The following UFD1 variants were observed in gnomAD, a reference collection of about 807,000 sequenced individuals.
UFD1 encodes ubiquitin recognition factor in ER associated degradation 1.
UFD1 carries 13 observed loss-of-function variants against 45.9 expected under a neutral mutation model. That is an observed-to-expected ratio of 0.28 (90% CI 0.18 to 0.45). The LOEUF is 0.45. Among genes scored for constraint, UFD1 ranks in the 20% least tolerant of loss-of-function variants. The probability of loss-of-function intolerance (pLI) is 1.00; values close to 1 mark genes in which losing one functional copy is unlikely to be tolerated. For synonymous variants in UFD1, 128 were observed against 139.2 expected, an observed-to-expected ratio of 0.92 and a Z score of 0.56; for missense variants, 218 against 389.2, an observed-to-expected ratio of 0.56 and a Z score of 3.70.
intron 7 of UFD1, 38 bp from the exon 8 acceptor site, chr22:19,456,956 A>G (rs754497231): frequency 5.2e-5 from 73 of 1,393,862 alleles, no homozygotes; most frequent in Non-Finnish European, 6.9e-5. Context: ...ATATTGAGAC[A>G]TGACCACCCT....
chr22:19,457,967 C>T (rs2089735906), intron 7 of UFD1, 104 bp downstream of exon 7: 2 of 1,165,060 alleles, frequency 1.7e-6, no homozygotes, highest in Non-Finnish European at 2.6e-6. Flanking sequence ...TACCCAGAGT[C>T]CCAGGGGCTG....
chr22:19,457,231 T>C (rs1473723902), intron 7 of UFD1, among the ~76,000 whole-genome samples: 2 of 152,132 alleles, frequency 1.3e-5, no homozygotes, highest in African/African-American at 4.8e-5. Flanking sequence ...TCCACCACAG[T>C]TGAGATGTAG....
At chr22:19,464,670 G>A (rs984621426) in intron 6 of UFD1, among the ~76,000 whole-genome samples, 9 of 152,354 alleles carry the variant, frequency 5.9e-5, no homozygotes, top group South Asian at 2.1e-4. Context: ...AAGTGAAAAC[G>A]GAAGCTGAAG....
intron 6 of UFD1, 167 bp downstream of exon 6, chr22:19,465,035 A>T (rs1215708865): frequency 1.6e-6 from 1 of 635,140 alleles, no homozygotes; most frequent in African/African-American, 1.8e-5. Flanking sequence ...TACCAAATGA[A>T]TTAGGGCTCT....
intron 4 of UFD1, chr22:19,471,062 C>A: frequency 2.4e-6 from 1 of 417,624 alleles, no homozygotes; most frequent in South Asian, 1.7e-5. Context: ...GTGGAACTCT[C>A]ACTGCTGCAG....
chr22:19,455,683 T>G lies in UFD1; in HGVS notation c.764A>C (p.Lys255Thr). The change falls in exon 10 of 12, where the codon AAA (lysine) becomes ACA (threonine). Residue 255 changes from lysine to threonine, a missense_variant. Lys to Thr is a moderately conservative substitution (Grantham distance 78). Transcript: ENST00000263202. Reference protein sequence around the residue: ...SPSPIKPGDIKRGIPNYEFKL... With the variant: ...SPSPIKPGDITRGIPNYEFKL... ...AGGAGAGCCAGGACAGACCTACCTT[T>G]TAATATCTCCAGGCTTGATTGGGGA... The G allele has an allele frequency of 6.2e-7, 1 of 1,613,888 alleles. No homozygotes were observed. Among genetic ancestry groups the G allele is most frequent in the South Asian group, 1.1e-5 (1 of 91,078 alleles).
intron 4 of UFD1, chr22:19,469,770 AG>A (rs1168620201): frequency 2.2e-6 from 1 of 444,624 alleles, no homozygotes; most frequent in Non-Finnish European, 4.5e-6. Context: ...CCATGCCAGG[AG>A]CTGGAAGGCC....
intron 6 of UFD1, among the ~76,000 whole-genome samples, chr22:19,464,394 A>G (rs2089787251): frequency 1.3e-5 from 2 of 152,192 alleles, no homozygotes; most frequent in Admixed American, 1.3e-4. Flanking sequence ...CACAGTGAAC[A>G]GGGGCACCCA....
At position 19,450,568 on chromosome 22, in the gene UFD1, AG is replaced by A; in HGVS notation, c.*101del. On this transcript the variant is annotated 3_prime_UTR_variant, in exon 12 of 12. Coordinates refer to ENST00000263202, the MANE Select transcript of UFD1 (RefSeq NM_005659.7). ...ACTCTAAATAAATCTTAAGTAACAG[AG>A]TATTCTCTGATGAGGCTCGTCCCTG... is the stretch of plus-strand genomic sequence containing the variant. The A allele has an allele frequency of 1.4e-6, 2 of 1,397,722 alleles. No individual in the cohort carries two copies. The highest frequency in any genetic ancestry group is 2.0e-6 in the Non-Finnish European group (2 of 998,408). The allele number at this position is 1,397,722 out of a possible 1,614,324, so 86.6% of individuals were successfully genotyped here.
chr22:19,453,278 G>A (rs1244238869), intron 11 of UFD1: 6 of 985,306 alleles, frequency 6.1e-6, no homozygotes, highest in Non-Finnish European at 7.2e-6. Flanking sequence ...AAGGTACCTG[G>A]GGCTTCCAAA....
chr22:19,450,721 G>A lies in UFD1; in HGVS notation c.873C>T (p.Val291=). The A allele has an allele frequency of 1.2e-6, 2 of 1,613,980 alleles. No homozygotes were observed. The highest frequency in any genetic ancestry group is 2.2e-5 in the East Asian group (1 of 44,898). The stretch of plus-strand genomic sequence containing the variant: ...ATGACTGTCCTTCTCCAGAGAAAGC[G>A]ACGAATCTGCCTCCAGCTTCATCCT... ...VEEDEAGGRF[V]AFSGEGQSLR... is the part of the protein sequence containing the mutation. The change falls in exon 12 of 12, where the codon GTC becomes GTT. Residue 291 remains valine (V), a synonymous_variant. Transcript: ENST00000263202.
chr22:19,476,472 C>T (rs573007525), intron 1 of UFD1, among the ~76,000 whole-genome samples: 2 of 152,038 alleles, frequency 1.3e-5, no homozygotes, highest in Non-Finnish European at 2.9e-5. Flanking sequence ...AACATGATGC[C>T]ATTAAAAAGA....
At chr22:19,456,286 T>G (rs1298834915) in intron 9 of UFD1, among the ~76,000 whole-genome samples, 1 of 152,194 alleles carries the variant, frequency 6.6e-6, no homozygotes, top group African/African-American at 2.4e-5. Flanking sequence ...AAAGCAAATG[T>G]GGTAACTTTT....
chr22:19,453,865 G>C (rs1041362879), intron 11 of UFD1: 1 of 985,378 alleles, frequency 1.0e-6, no homozygotes, highest in African/African-American at 1.7e-5. Flanking sequence ...CCTGATCCTG[G>C]ATCCTCAAGG....
intron 7 of UFD1, 50 bp downstream of exon 7, chr22:19,458,021 G>A: frequency 2.5e-6 from 4 of 1,605,136 alleles, no homozygotes; most frequent in Non-Finnish European, 2.6e-6. Flanking sequence ...GTCACCAACT[G>A]CCCATCCTCC....
intron 6 of UFD1, among the ~76,000 whole-genome samples, chr22:19,461,285 G>A (rs111661003): frequency 1.1e-4 from 17 of 152,214 alleles, no homozygotes; most frequent in African/African-American, 4.1e-4. Context: ...TATGGTATGA[G>A]TTAGGAACTC....
At chr22:19,458,838 C>T (rs2089743662) in intron 6 of UFD1, among the ~76,000 whole-genome samples, 1 of 152,172 alleles carries the variant, frequency 6.6e-6, no homozygotes, top group South Asian at 2.1e-4. Context: ...TACAGATGCT[C>T]CTTGACTTAT....
chr22:19,455,691 T>C lies in UFD1; in HGVS notation c.756A>G (p.Gly252=). 2 of 1,613,948 alleles carry C rather than the reference T, an allele frequency of 1.2e-6. No individual in the cohort carries two copies. Among genetic ancestry groups the C allele is most frequent in the Non-Finnish European group, 1.7e-6 (2 of 1,179,880 alleles). The change falls in exon 10 of 12, where the codon GGA becomes GGG. Residue 252 remains glycine (G), a synonymous_variant. Transcript: ENST00000263202. ...CAGGACAGACCTACCTTTTAATATC[T>C]CCAGGCTTGATTGGGGAGGGGCTGG... ...VEPSPSPIKP[G]DIKRGIPNYE... is the part of the protein sequence containing the mutation.
chr22:19,471,089 C>A, intron 4 of UFD1: 1 of 447,310 alleles, frequency 2.2e-6, no homozygotes. Flanking sequence ...CCCTACAGCA[C>A]TGGCACAGTT....
Sources: gnomAD v4.1 joint callset for allele counts (sites outside exome capture counted in the v4.1 genomes callset) on GRCh38, gnomAD v4.1.1 for gene constraint, MANE v1.5 for transcripts, NCBI Gene and HGNC (gene_info 2026-07-23, HGNC 2026-07-21) for gene names.